The following RNF14 variants were observed in gnomAD, a reference collection of about 807,000 sequenced individuals.
RNF14 encodes the protein ring finger protein 14.
Under a neutral mutation model 52.6 loss-of-function variants are expected in RNF14, and 26 were observed. The ratio of observed to expected loss-of-function variants is 0.49; its 90% CI spans 0.36 to 0.69. The LOEUF (loss-of-function observed/expected upper bound fraction) is 0.69. Among genes scored for constraint, RNF14 ranks in the 30% least tolerant of loss-of-function variants. RNF14 has a pLI of 0.00. For missense variants in RNF14, 404 were observed against 560.4 expected (o/e 0.72, Z 2.82); for synonymous variants, 194 against 202.0 (o/e 0.96, Z 0.34).
upstream of RNF14, chr5:141,954,893 T>C (rs1392552896): frequency 4.0e-6 from 6 of 1,508,708 alleles, no homozygotes; most frequent in East Asian, 2.3e-5. Flanking sequence ...ATGAGGACTG[T>C]GCAGGTTATG....
At chr5:141,983,665 T>C in intron 7 of RNF14, 113 bp downstream of exon 7, 3 of 852,050 alleles carry the variant, frequency 3.5e-6, no homozygotes, top group Non-Finnish European at 5.3e-6. Flanking sequence ...CTGGTATTAT[T>C]ACACCTTCTT....
upstream of RNF14, chr5:141,966,808 G>A (rs1231445698): frequency 1.3e-5 from 2 of 152,274 alleles, no homozygotes; most frequent in Admixed American, 1.3e-4. Context: ...CTTCTGCTCT[G>A]ACTTTGTGAG....
chr5:141,989,690 CTCAAA>C lies in RNF14; in HGVS notation c.*1901_*1905del, dbSNP rs1755491421. ...CCTGAGCGACAGAGCGAGACTCCTT[CTCAAA>C]AAAAAAAAAAAAAAAAATTGAGGTT... On this transcript the variant is annotated 3_prime_UTR_variant, in exon 9 of 9. Coordinates refer to ENST00000394520, the MANE Select transcript of RNF14 (RefSeq NM_004290.5). The C allele has an allele frequency of 5.5e-5, 2 of 36,234 alleles. No homozygotes were observed. The highest frequency in any genetic ancestry group is 3.3e-4 in the Admixed American group (1 of 2,990). The allele number at this position is 36,234 out of a possible 1,614,324, so 2.2% of individuals were successfully genotyped here. A position where few individuals can be genotyped will look rare whatever the true frequency, so the allele number is the denominator to read the frequency against.
upstream of RNF14, chr5:141,955,035 A>G (rs750485056): frequency 2.5e-6 from 4 of 1,614,252 alleles, no homozygotes; most frequent in East Asian, 8.9e-5. This position sits in a 1 kb window ranked among gnomAD's most constrained non-coding sequence, Gnocchi z 5.5. Flanking sequence ...AGGCAGCCAC[A>G]GACAGCCGGA....
intron 1 of RNF14, among the ~76,000 whole-genome samples, chr5:141,960,281 A>T (rs1229018061): frequency 6.6e-6 from 1 of 152,220 alleles, no homozygotes; most frequent in East Asian, 1.9e-4. Flanking sequence ...AGGGAAAATG[A>T]AAGGCGAGAG....
chr5:141,974,745 A>T, intron 3 of RNF14, 59 bp from the exon 4 acceptor site: 1 of 1,535,512 alleles, frequency 6.5e-7, no homozygotes, highest in South Asian at 1.1e-5. Context: ...GCTGCTCAAC[A>T]GTAGTGGACA....
upstream of RNF14, chr5:141,955,762 G>T: frequency 6.2e-7 from 1 of 1,614,004 alleles, no homozygotes; most frequent in Non-Finnish European, 8.5e-7. This position sits in a 1 kb window ranked among gnomAD's most constrained non-coding sequence, Gnocchi z 5.5. Context: ...GTCCACACTG[G>T]TGACAAACAT....
upstream of RNF14, chr5:141,957,639 C>G: frequency 6.2e-7 from 1 of 1,614,222 alleles, no homozygotes; most frequent in Non-Finnish European, 8.5e-7. This position sits in a 1 kb window ranked among gnomAD's most constrained non-coding sequence, Gnocchi z 4.3. Context: ...GCGCCTGAGG[C>G]AGCTGCAACA....
At chr5:141,976,154 G>A (rs1046699337) in intron 4 of RNF14, among the ~76,000 whole-genome samples, 1 of 152,190 alleles carries the variant, frequency 6.6e-6, no homozygotes, top group Non-Finnish European at 1.5e-5. Flanking sequence ...ACATTCTAAT[G>A]TCTGTGCCAG....
intron 2 of RNF14, 53 bp from the exon 3 acceptor site, chr5:141,973,530 A>G (rs944224643): frequency 6.6e-7 from 1 of 1,514,948 alleles, no homozygotes; most frequent in Non-Finnish European, 8.9e-7. Context: ...GAGCCACCAC[A>G]CCCGGCCAGC....
chr5:141,955,334 C>T, upstream of RNF14: 4 of 1,614,190 alleles, frequency 2.5e-6, no homozygotes, highest in Non-Finnish European at 3.4e-6. The surrounding 1 kb of genome is among the most constrained non-coding windows in gnomAD (Gnocchi z 5.5). Context: ...TGCAGCACCT[C>T]TCGGCTCTCC....
At position 141,987,975 on chromosome 5, in the gene RNF14, T is replaced by C. The variant is rs1596720890; in HGVS notation, c.*185T>C. The C allele has an allele frequency of 5.3e-6, 3 of 565,134 alleles. No homozygotes were observed. In the East Asian group the frequency reaches 8.5e-5, roughly 16 times the overall value. The allele number at this position is 565,134 out of a possible 1,614,324, so 35.0% of individuals were successfully genotyped here. On this transcript the variant is annotated 3_prime_UTR_variant, in exon 9 of 9. Coordinates refer to ENST00000394520, the MANE Select transcript of RNF14 (RefSeq NM_004290.5). The stretch of plus-strand genomic sequence containing the variant: ...GAAGGTGCATTGATACATTTTTAAA[T>C]GTAAGTTGAGAAAAATTTATAAGCC...
intron 1 of RNF14, among the ~76,000 whole-genome samples, chr5:141,961,218 G>C (rs1269094783): frequency 6.6e-6 from 1 of 152,166 alleles, no homozygotes; most frequent in Non-Finnish European, 1.5e-5. Context: ...GTGTGTGTGT[G>C]TGTGTCTGTG....
At position 141,988,211 on chromosome 5, in the gene RNF14, G is replaced by A. The variant is rs1481317090; in HGVS notation, c.*421G>A. ...CTCAGTACTATTCCTTACAACTGGA[G>A]TGGGTAGAAGCCTTATGAAAATTAT... On this transcript the variant is annotated 3_prime_UTR_variant, in exon 9 of 9. Transcript: ENST00000394520. 6.3e-6 allele frequency: 1 copy of A among 159,204 alleles called. No homozygotes were observed. Among genetic ancestry groups the A allele is most frequent in the Non-Finnish European group, 1.4e-5 (1 of 72,136 alleles). 9.9% of individuals were successfully genotyped at this position (159,204 alleles called of 1,614,324 possible). A position where few individuals can be genotyped will look rare whatever the true frequency, so the allele number is the denominator to read the frequency against.
intron 8 of RNF14, among the ~76,000 whole-genome samples, chr5:141,985,735 A>C (rs1324113561): frequency 1.3e-5 from 2 of 152,080 alleles, no homozygotes; most frequent in Non-Finnish European, 2.9e-5. Context: ...TTGTATTTTT[A>C]GTAGAGACGG....
chr5:141,970,112 TA>T (rs1753612821), intron 1 of RNF14, among the ~76,000 whole-genome samples: 1 of 152,214 alleles, frequency 6.6e-6, no homozygotes, highest in Admixed American at 6.5e-5. Context: ...TATTTTTGCA[TA>T]TAATTTTAGG....
At chr5:141,954,927 T>C (rs778277706), upstream of RNF14, 4 of 1,556,486 alleles carry the variant, frequency 2.6e-6, no homozygotes, top group South Asian at 4.9e-5. Context: ...CTGTTTCTGG[T>C]GGTCCAGGAG....
chr5:141,984,993 C>T, intron 8 of RNF14, 60 bp downstream of exon 8: 1 of 1,429,026 alleles, frequency 7.0e-7, no homozygotes, highest in East Asian at 2.3e-5. Flanking sequence ...ATTTGCAGAC[C>T]ACAAATCCAG....
upstream of RNF14, chr5:141,969,078 A>G (rs1441160004): frequency 6.6e-6 from 1 of 152,264 alleles, no homozygotes; most frequent in African/African-American, 2.4e-5. Context: ...CGCCAGCGGG[A>G]TCCGCCTGGC....
Sources: allele counts gnomAD v4.1 joint callset (sites outside exome capture counted in the v4.1 genomes callset), GRCh38; gene constraint gnomAD v4.1.1; non-coding constraint Gnocchi (gnomAD v3.1); transcripts MANE v1.5; gene names NCBI Gene and HGNC (gene_info 2026-07-23, HGNC 2026-07-21).